The following TNS4 variants were observed in gnomAD, a reference collection of about 807,000 sequenced individuals.
The protein encoded by TNS4 is tensin-4.
In TNS4, 46 loss-of-function variants were observed where a neutral mutation model predicts 70.4. That is an observed-to-expected ratio of 0.65 (90% CI 0.52 to 0.84). TNS4 has a LOEUF of 0.84. Ranked by LOEUF, TNS4 falls within the 40% of genes least tolerant of loss-of-function variation. The pLI is 0.00. For synonymous variants in TNS4, 390 were observed against 366.6 expected, an observed-to-expected ratio of 1.06 and a Z score of -0.73; for missense variants, 863 against 907.0, an observed-to-expected ratio of 0.95 and a Z score of 0.62.
intron 4 of TNS4, among the ~76,000 whole-genome samples, chr17:40,486,396 C>T (rs1597693405): frequency 6.6e-6 from 1 of 152,136 alleles, no homozygotes; most frequent in African/African-American, 2.4e-5. Flanking sequence ...TCCACTCCCA[C>T]TGCCCTATCC....
At chr17:40,499,702 G>A (rs1173411529) in intron 1 of TNS4, among the ~76,000 whole-genome samples, 1 of 152,262 alleles carries the variant, frequency 6.6e-6, no homozygotes, top group Admixed American at 6.5e-5. Context: ...CGGCCTCTGC[G>A]CTCCCGCCCT....
chr17:40,487,079 G>A lies in TNS4; in HGVS notation c.1245C>T (p.Asn415=). The change falls in exon 4 of 13, where the codon AAC becomes AAT. Residue 415 remains asparagine (N), a synonymous_variant. Coordinates refer to ENST00000254051, the MANE Select transcript of TNS4 (RefSeq NM_032865.6). ...PSNPCPATRS[N]SQTLSDAPFT... is the part of the protein sequence containing the mutation. ...AGGGGGCATCTGACAGGGTCTGGCT[G>A]TTGCTCCTGGTGGCTGGACAGGGGT... 1.2e-6 allele frequency: 2 copies of A among 1,614,258 alleles called. No homozygotes were observed. The highest frequency in any genetic ancestry group is 4.5e-5 in the East Asian group (2 of 44,882).
intron 2 of TNS4, among the ~76,000 whole-genome samples, chr17:40,492,432 G>A (rs1020357013): frequency 6.6e-6 from 1 of 151,984 alleles, no homozygotes; most frequent in African/African-American, 2.4e-5. Flanking sequence ...ACAGTGGCGG[G>A]ATCTTGGCTC....
chr17:40,488,730 T>C lies in TNS4; in HGVS notation c.679A>G (p.Asn227Asp). ...PSEGLSPRPP[N>D]SPSISIPCMG... ...CAAGGGATTGAGATGCTGGGGGAAT[T>C]TGGGGGTCGAGGGGAGAGACCCTCT... The change falls in exon 3 of 13, where the codon AAT becomes GAT. Residue 227 changes from asparagine to aspartate, a missense_variant. Physicochemically the swap from Asn to Asp is conservative, Grantham distance 23. Coordinates refer to ENST00000254051, the MANE Select transcript of TNS4 (RefSeq NM_032865.6). 6.3e-7 allele frequency: 1 copy of C among 1,590,584 alleles called. No homozygotes were observed. The highest frequency in any genetic ancestry group is 1.1e-5 in the South Asian group (1 of 89,950).
At chr17:40,499,644 G>A (rs2036188213) in intron 1 of TNS4, among the ~76,000 whole-genome samples, 1 of 152,240 alleles carries the variant, frequency 6.6e-6, no homozygotes, top group South Asian at 2.1e-4. Context: ...CAGGGGGCGG[G>A]GCATCCCGGG....
At chr17:40,495,195 G>A (rs896136) in intron 2 of TNS4, among the ~76,000 whole-genome samples, 131,608 of 152,112 alleles carry the variant, frequency 0.87, 58,179 homozygotes, top group East Asian at 0.98. Context: ...CTTAAAATTC[G>A]TCACGTCCCA....
chr17:40,478,425 AC>A, intron 11 of TNS4, 92 bp from the exon 12 acceptor site: 1 of 1,377,716 alleles, frequency 7.3e-7, no homozygotes, highest in Non-Finnish European at 9.9e-7. Context: ...CTGCGTCCCC[AC>A]CCCACCATGC....
intron 1 of TNS4, among the ~76,000 whole-genome samples, chr17:40,498,634 G>A (rs2036174002): frequency 6.6e-6 from 1 of 152,018 alleles, no homozygotes; most frequent in Admixed American, 6.6e-5. Context: ...ATGGCTCACT[G>A]CAGCCTTGAC....
chr17:40,487,581 A>C (rs1046072260), intron 3 of TNS4, 121 bp from the exon 4 acceptor site: 5 of 1,008,944 alleles, frequency 5.0e-6, no homozygotes, highest in Admixed American at 2.7e-5. Context: ...AACACTGCAT[A>C]CCCCACCCCC....
chr17:40,478,594 G>A lies in TNS4; in HGVS notation c.1965C>T (p.Asp655=). ...CTTGAACTTACTTCCGTTGCTCAGG[G>A]TCCATACCACAGAAGCGGAGGGTGG... ...PLTTLRFCGM[D]PEQRKWQKYC... The change falls in exon 11 of 13, where the codon GAC becomes GAT. Residue 655 remains aspartate (D), a synonymous_variant. Transcript: ENST00000254051. 1 of 1,614,172 alleles carries A rather than the reference G, an allele frequency of 6.2e-7. No homozygotes were observed. Among genetic ancestry groups the A allele is most frequent in the Non-Finnish European group, 8.5e-7 (1 of 1,180,016 alleles).
chr17:40,486,778 C>T (rs113519490), intron 4 of TNS4, among the ~76,000 whole-genome samples: 162 of 152,282 alleles, frequency 1.1e-3, no homozygotes, highest in Middle Eastern at 3.4e-3. Flanking sequence ...GTTCTCCAGA[C>T]TGAAAGAATC....
rs780684329 is a variant in TNS4, at chr17:40,484,654, C to T, written c.1376-45G>A. 3.7e-6 allele frequency: 6 copies of T among 1,606,448 alleles called. No individual in the cohort carries two copies. The African/African-American group carries it at 5.3e-5, about 14-fold the overall frequency. On this transcript the variant is annotated intron_variant, in intron 5 of 12. Coordinates refer to ENST00000254051, the MANE Select transcript of TNS4 (RefSeq NM_032865.6). ...AGAGATGGACACCGCCCCACCTGGACACCCTGTCCCCAGCCCCGTAGGGTC... is the reference window on the plus strand; with the variant it reads ...AGAGATGGACACCGCCCCACCTGGATACCCTGTCCCCAGCCCCGTAGGGTC...
At chr17:40,484,159 G>T (rs902061996) in intron 6 of TNS4, among the ~76,000 whole-genome samples, 2 of 152,212 alleles carry the variant, frequency 1.3e-5, no homozygotes, top group African/African-American at 2.4e-5. Flanking sequence ...AGGTTCCCTG[G>T]AAATGAATCC....
chr17:40,495,968 C>A lies in TNS4; in HGVS notation c.439+19G>T. On this transcript the variant is annotated intron_variant, in intron 2 of 12. Coordinates refer to ENST00000254051, the MANE Select transcript of TNS4 (RefSeq NM_032865.6). ...CTGGCACCAAGCCCCCCTCCTGGTA[C>A]TGTGCCCCAAATCCTTACCCAAGGC... is the stretch of plus-strand genomic sequence containing the variant. The A allele has an allele frequency of 6.3e-7, 1 of 1,592,014 alleles. No individual in the cohort carries two copies. Among genetic ancestry groups the A allele is most frequent in the Non-Finnish European group, 8.5e-7 (1 of 1,170,872 alleles).
At position 40,496,234 on chromosome 17, in the gene TNS4, G is replaced by C. The variant is rs1289422046; in HGVS notation, c.192C>G (p.Gly64=). 1 of 1,594,348 alleles carries C rather than the reference G, an allele frequency of 6.3e-7. No individual in the cohort carries two copies. The highest frequency in any genetic ancestry group is 2.2e-5 in the East Asian group (1 of 44,752). The part of the protein sequence containing the change: ...MAPVPCMGPP[G]RLQQAPQVEA... The stretch of plus-strand genomic sequence containing the variant: ...CCACCTGTGGGGCTTGCTGGAGTCG[G>C]CCAGGGGGCCCCATGCAGGGCACGG... The change falls in exon 2 of 13, where the codon GGC becomes GGG. Residue 64 remains glycine (G), a synonymous_variant. Coordinates refer to ENST00000254051, the MANE Select transcript of TNS4 (RefSeq NM_032865.6).
chr17:40,476,479 T>G lies in TNS4; in HGVS notation c.*1109A>C, dbSNP rs1848202002. 6.8e-6 allele frequency: 1 copy of G among 146,028 alleles called. No individual in the cohort carries two copies. Among genetic ancestry groups the G allele is most frequent in the Admixed American group, 7.2e-5 (1 of 13,908 alleles). 9.0% of individuals were successfully genotyped at this position (146,028 alleles called of 1,614,324 possible). Reference sequence around the variant, plus strand: ...CAGCAAGACAGGAGCTGAGGCAGAATCACAGAGAGATGGCCCTTATCTCTG... The same window carrying G: ...CAGCAAGACAGGAGCTGAGGCAGAAGCACAGAGAGATGGCCCTTATCTCTG... On this transcript the variant is annotated 3_prime_UTR_variant, in exon 13 of 13. Transcript: ENST00000254051.
chr17:40,494,764 A>AGT (rs2036121751), intron 2 of TNS4, among the ~76,000 whole-genome samples: 1 of 148,872 alleles, frequency 6.7e-6, no homozygotes, highest in Non-Finnish European at 1.5e-5. Context: ...CAGCTCAGGG[A>AGT]GTGGATTGAG....
chr17:40,492,128 A>T (rs933773905), intron 2 of TNS4, among the ~76,000 whole-genome samples: 14 of 152,176 alleles, frequency 9.2e-5, no homozygotes, highest in African/African-American at 2.9e-4. Context: ...AGGAGCCTGC[A>T]GGCTGCCTCC....
At chr17:40,488,140 C>T (rs1388388674) in intron 3 of TNS4, among the ~76,000 whole-genome samples, 2 of 152,106 alleles carry the variant, frequency 1.3e-5, no homozygotes, top group Non-Finnish European at 2.9e-5. Flanking sequence ...CTGCCTCACT[C>T]CTTTGCTAGG....
Sources: allele counts gnomAD v4.1 joint callset (sites outside exome capture counted in the v4.1 genomes callset), GRCh38; gene constraint gnomAD v4.1.1; transcripts MANE v1.5; gene names NCBI Gene and HGNC (gene_info 2026-07-23, HGNC 2026-07-21).